GRAMD4: variants seen among roughly 807,000 people sequenced by gnomAD.
The protein encoded by GRAMD4 is GRAM domain containing 4.
Under a neutral mutation model 83.9 loss-of-function variants are expected in GRAMD4, and 25 were observed. That is an observed-to-expected ratio of 0.30 (90% confidence interval 0.22 to 0.42). The LOEUF is 0.42. Ranked by LOEUF, GRAMD4 falls within the 10% of genes least tolerant of loss-of-function variation. The pLI, the probability that GRAMD4 is intolerant of heterozygous loss-of-function variation, is 1.00. For missense variants in GRAMD4, 593 were observed against 788.7 expected, an observed-to-expected ratio of 0.75 and a Z score of 2.97; for synonymous variants, 336 against 320.9, an observed-to-expected ratio of 1.05 and a Z score of -0.50.
chr22:46,677,876 CAG>C lies in GRAMD4; in HGVS notation c.*630_*631del, dbSNP rs1314254448. The stretch of plus-strand genomic sequence containing the variant: ...GCGCTCCACACTCGCTCCACGGGAA[CAG>C]AGAGGGTGAGAAGGGCCCACCCCTC... On this transcript the variant is annotated 3_prime_UTR_variant, in exon 19 of 19. Transcript: ENST00000406902. The C allele has an allele frequency of 2.0e-6, 2 of 985,098 alleles. No individual in the cohort carries two copies. The highest frequency in any genetic ancestry group is 2.4e-6 in the Non-Finnish European group (2 of 829,720). 61.0% of individuals were successfully genotyped at this position (985,098 alleles called of 1,614,324 possible). A position where few individuals can be genotyped will look rare whatever the true frequency, so the allele number is the denominator to read the frequency against.
Position 46,678,064 on chromosome 22 carries a change from A to C in GRAMD4, c.*813A>C. The C allele has an allele frequency of 5.1e-6, 5 of 985,580 alleles. No homozygotes were observed. The highest frequency in any genetic ancestry group is 6.0e-6 in the Non-Finnish European group (5 of 830,034). The allele number at this position is 985,580 out of a possible 1,614,324, so 61.1% of individuals were successfully genotyped here. ...CACAGGATGGTGCAGGTAAAAGCAC[A>C]TCTTTCTCACACTTTGCTCTTTGGA... On this transcript the variant is annotated 3_prime_UTR_variant, in exon 19 of 19. Transcript: ENST00000406902.
At position 46,621,558 on chromosome 22, in the gene GRAMD4, C is replaced by T; in HGVS notation, c.-50+993C>T. Among the ~76,000 whole-genome samples, 1 of 100,332 alleles carries T rather than the reference C, an allele frequency of 1.0e-5. No individual in the cohort carries two copies. Among genetic ancestry groups the T allele is most frequent in the Non-Finnish European group, 2.0e-5 (1 of 49,518 alleles). The allele number at this position is 100,332 out of a possible 152,430, so 65.8% of individuals were successfully genotyped here. ...GTGCAGGCGCAGGCTGGAGGCGTAGCCCGGGCCCATCCCTGGCGGTGTGTC... is the reference window on the plus strand; with the variant it reads ...GTGCAGGCGCAGGCTGGAGGCGTAGTCCGGGCCCATCCCTGGCGGTGTGTC... On this transcript the variant is annotated intron_variant, in intron 1 of 18. Coordinates refer to ENST00000406902, the MANE Select transcript of GRAMD4 (RefSeq NM_015124.5). This position sits in a 1 kb window ranked among gnomAD's most constrained non-coding sequence, Gnocchi z 5.8.
rs1024691359 is a variant in GRAMD4 at position 46,591,518 on chromosome 22, GTCCTAGGTTGCA to G, written c.-50+14232_-50+14243del. Among the ~76,000 whole-genome samples, 126 of 151,964 alleles carry G rather than the reference GTCCTAGGTTGCA, an allele frequency of 8.3e-4. 1 individual carries two copies. Among genetic ancestry groups the G allele is most frequent in the African/African-American group, 2.8e-3 (117 of 41,460 alleles). ...GCAGAGGCTAACGGACATTGCTGAA[GTCCTAGGTTGCA>G]TCCCTCATAAAGGCCACCCCCGGGC... On this transcript the variant is annotated intron_variant, in intron 1 of 1. Transcript: ENST00000431155.
At position 46,638,754 on chromosome 22, in the gene GRAMD4, C is replaced by T. The variant is rs1239092982; in HGVS notation, c.283+794C>T. On this transcript the variant is annotated intron_variant, in intron 3 of 18. Coordinates refer to ENST00000406902, the MANE Select transcript of GRAMD4 (RefSeq NM_015124.5). Reference sequence around the variant, plus strand: ...CTCTATGGTGGAATTCTTGTTATTACGCTCCTGTGTGTCCAGAGCCAGTCA... The same window carrying T: ...CTCTATGGTGGAATTCTTGTTATTATGCTCCTGTGTGTCCAGAGCCAGTCA... Among the ~76,000 whole-genome samples the T allele has an allele frequency of 3.3e-5, 5 of 152,204 alleles. No homozygotes were observed. The East Asian group carries it at 9.6e-4, about 29-fold the overall frequency.
upstream of GRAMD4, among the ~76,000 whole-genome samples, chr22:46,616,845 C>A (rs1313407748): frequency 5.4e-5 from 1 of 18,464 alleles, no homozygotes; most frequent in Non-Finnish European, 1.0e-4. Flanking sequence ...CCTGTGTGTA[C>A]GTTCCCCTGT....
At chr22:46,640,374 G>A (rs1332632298) in intron 3 of GRAMD4, among the ~76,000 whole-genome samples, 1 of 152,094 alleles carries the variant, frequency 6.6e-6, no homozygotes, top group Non-Finnish European at 1.5e-5. Context: ...AGGGATGGAG[G>A]GACGCCTGTC....
At chr22:46,603,911 A>G (rs1397020362) in intron 1 of GRAMD4, among the ~76,000 whole-genome samples, 1 of 152,148 alleles carries the variant, frequency 6.6e-6, no homozygotes, top group African/African-American at 2.4e-5. Context: ...CCTTTGCTAC[A>G]TGAATGCTTT....
intron 2 of GRAMD4, among the ~76,000 whole-genome samples, chr22:46,636,789 C>T (rs2081895602): frequency 6.6e-6 from 1 of 152,228 alleles, no homozygotes; most frequent in African/African-American, 2.4e-5. Flanking sequence ...ATGGCCCCTG[C>T]TTTCTGTCCC....
upstream of GRAMD4, among the ~76,000 whole-genome samples, chr22:46,617,328 A>G (rs1347267000): frequency 3.8e-5 from 4 of 104,280 alleles, no homozygotes; most frequent in Admixed American, 2.0e-4. Context: ...ACGTTCCCCT[A>G]AGCATGTAGG....
At chr22:46,663,901 C>A in intron 7 of GRAMD4, 38 bp downstream of exon 7, 1 of 1,609,526 alleles carries the variant, frequency 6.2e-7, no homozygotes, top group African/African-American at 1.3e-5. Context: ...CCACGATGCT[C>A]AGTGTGGGTG....
intron 1 of GRAMD4, among the ~76,000 whole-genome samples, chr22:46,625,667 T>C (rs952801988): frequency 1.3e-5 from 2 of 152,218 alleles, no homozygotes; most frequent in African/African-American, 4.8e-5. Flanking sequence ...CTTGGACAAG[T>C]TGGGGACGGG....
chr22:46,595,100 C>G (rs9616075), intron 1 of GRAMD4, among the ~76,000 whole-genome samples: 1 of 151,956 alleles, frequency 6.6e-6, no homozygotes, highest in Non-Finnish European at 1.5e-5. Context: ...CCCAGCCCCA[C>G]ATGCGGCCCG....
chr22:46,581,729 C>G (rs2147900116), intron 1 of GRAMD4, among the ~76,000 whole-genome samples: 1 of 152,342 alleles, frequency 6.6e-6, no homozygotes, highest in African/African-American at 2.4e-5. Flanking sequence ...AGCCCTGGCA[C>G]AGAGCCACAG....
rs990046387 is a variant in GRAMD4, at chr22:46,659,756, AG to A, written c.404+1452del. Among the ~76,000 whole-genome samples, 3 of 151,056 alleles carry A rather than the reference AG, an allele frequency of 2.0e-5. No individual in the cohort carries two copies. Among genetic ancestry groups the A allele is most frequent in the African/African-American group, 7.3e-5 (3 of 40,992 alleles). Reference sequence around the variant, plus strand: ...TGGGGGCATCCAGCTGGTGTGGGGGAGGGAGAGGCCTCACTTTCCTATTCCG... The same window carrying A: ...TGGGGGCATCCAGCTGGTGTGGGGGAGGAGAGGCCTCACTTTCCTATTCCG... On this transcript the variant is annotated intron_variant, in intron 4 of 18. Coordinates refer to ENST00000406902, the MANE Select transcript of GRAMD4 (RefSeq NM_015124.5). This position sits in a 1 kb window ranked among gnomAD's most constrained non-coding sequence, Gnocchi z 4.1.
Position 46,605,516 on chromosome 22 carries a change from G to A in GRAMD4, c.-49-21235G>A, listed in dbSNP as rs541504732. 3.9e-5 allele frequency among the ~76,000 whole-genome samples: 6 copies of A among 152,330 alleles called. No individual in the cohort carries two copies. The South Asian group carries it at 6.2e-4, about 16-fold the overall frequency. ...GGTAGTTCTATTTTTCGTATTTTGC[G>A]GAACCTCCATACTGTGATTCACAGC... On this transcript the variant is annotated intron_variant, in intron 1 of 1. Coordinates refer to the GRAMD4 transcript ENST00000431155.
rs2082564269 is a variant in GRAMD4 at position 46,674,491 on chromosome 22, TG to T, written c.1385-162del. The T allele has an allele frequency of 2.6e-5, 17 of 659,332 alleles. No homozygotes were observed. In the South Asian group the frequency reaches 2.7e-4, roughly 10 times the overall value. The allele number at this position is 659,332 out of a possible 1,614,324, so 40.8% of individuals were successfully genotyped here. A position where few individuals can be genotyped will look rare whatever the true frequency, so the allele number is the denominator to read the frequency against. ...GAGGAAACATCTGTTTTCCACCCTC[TG>T]GGGCCACCTCACTCTTGCCGGCGCG... On this transcript the variant is annotated intron_variant, in intron 15 of 18. Transcript: ENST00000406902.
chr22:46,658,399 T>C, intron 4 of GRAMD4, 92 bp downstream of exon 4: 1 of 1,233,904 alleles, frequency 8.1e-7, no homozygotes, highest in South Asian at 1.4e-5. Context: ...ACCCATAGCG[T>C]CTTGGCAGCA....
At chr22:46,680,992 G>A (rs990055814), downstream of GRAMD4, among the ~76,000 whole-genome samples, 1 of 137,824 alleles carries the variant, frequency 7.3e-6, no homozygotes, top group Non-Finnish European at 1.5e-5. Flanking sequence ...GCAGTGATGG[G>A]CTAGGAACCT....
At chr22:46,669,567 C>T (rs932640034) in intron 13 of GRAMD4, among the ~76,000 whole-genome samples, 16 of 150,792 alleles carry the variant, frequency 1.1e-4, no homozygotes, top group Non-Finnish European at 2.1e-4. Flanking sequence ...TTGTTTTTGT[C>T]TCTCTCTCTC....
Sources: allele counts gnomAD v4.1 joint callset (sites outside exome capture counted in the v4.1 genomes callset), GRCh38; gene constraint gnomAD v4.1.1; non-coding constraint Gnocchi (gnomAD v3.1); transcripts MANE v1.5; gene names NCBI Gene and HGNC (gene_info 2026-07-23, HGNC 2026-07-21).